Variants in FAM81B observed in about 807,000 individuals in gnomAD.
FAM81B encodes the protein protein FAM81B.
Under a neutral mutation model 58.7 loss-of-function variants are expected in FAM81B, and 60 were observed. That is an observed-to-expected ratio of 1.02 (90% confidence interval 0.83 to 1.27). The LOEUF is 1.27. FAM81B is among the 50% of genes most tolerant of loss of function. The pLI is 0.00. For synonymous variants in FAM81B, 189 were observed against 179.6 expected (o/e 1.05, Z -0.42); for missense variants, 491 against 522.0 (o/e 0.94, Z 0.58).
chr5:95,440,589 C>T (rs181580056), intron 7 of FAM81B: 3 of 628,360 alleles, frequency 4.8e-6, no homozygotes, highest in African/African-American at 3.7e-5. Context: ...TATAGAAGAG[C>T]TCAGAGAGCT....
At chr5:95,446,978 C>T (rs1226653427) in intron 8 of FAM81B, among the ~76,000 whole-genome samples, 2 of 151,518 alleles carry the variant, frequency 1.3e-5, no homozygotes, top group African/African-American at 2.4e-5. Context: ...ATTGCCACCC[C>T]AGACCCAGAG....
intron 5 of FAM81B, 34 bp from the exon 6 acceptor site, chr5:95,428,569 T>C (rs1582815539): frequency 6.2e-7 from 1 of 1,612,270 alleles, no homozygotes. Context: ...GTTATAAAGG[T>C]ATTGATCCAC....
intron 2 of FAM81B, among the ~76,000 whole-genome samples, chr5:95,394,579 GGA>G (rs1761913772): frequency 6.6e-6 from 1 of 152,182 alleles, no homozygotes; most frequent in Non-Finnish European, 1.5e-5. Context: ...CTCTGACTTA[GGA>G]AAGTTTCCAT....
intron 3 of FAM81B, among the ~76,000 whole-genome samples, chr5:95,401,622 G>A (rs1299757999): frequency 2.0e-5 from 3 of 151,898 alleles, no homozygotes; most frequent in South Asian, 4.2e-4. Flanking sequence ...CACTCAGACC[G>A]TAACTAGTCA....
At position 95,414,057 on chromosome 5, in the gene FAM81B, T is replaced by C; in HGVS notation, c.404T>C (p.Ile135Thr). ...TTCCTTCTTGAACAAGCCTTCCGCATCAAGGAGGACATCTCTGCTTGCCTG... is the reference window on the plus strand; with the variant it reads ...TTCCTTCTTGAACAAGCCTTCCGCACCAAGGAGGACATCTCTGCTTGCCTG... ...IAFLLEQAFR[I>T]KEDISACLQG... Residue 135 changes from isoleucine to threonine, a missense_variant, in exon 4 of 10, where the codon ATC becomes ACC. Coordinates refer to ENST00000283357, the MANE Select transcript of FAM81B (RefSeq NM_152548.3). 6.2e-7 allele frequency: 1 copy of C among 1,614,034 alleles called. No homozygotes were observed. The highest frequency in any genetic ancestry group is 8.5e-7 in the Non-Finnish European group (1 of 1,179,996).
chr5:95,443,474 A>G (rs1322493647), intron 7 of FAM81B, among the ~76,000 whole-genome samples: 4 of 152,308 alleles, frequency 2.6e-5, no homozygotes, highest in Admixed American at 2.6e-4. Flanking sequence ...ATCTGTATAC[A>G]TCTAATAGAA....
intron 1 of FAM81B, among the ~76,000 whole-genome samples, 170 bp from the exon 2 acceptor site, chr5:95,392,624 G>T (rs562441551): frequency 1.3e-3 from 203 of 152,248 alleles, no homozygotes; most frequent in African/African-American, 4.6e-3. Context: ...ATGGGGGGAT[G>T]GGGGAGAATT....
intron 6 of FAM81B, among the ~76,000 whole-genome samples, chr5:95,432,276 G>A (rs147292683): frequency 6.6e-6 from 1 of 152,000 alleles, no homozygotes; most frequent in Non-Finnish European, 1.5e-5. Context: ...TGTGGTGCAG[G>A]ATAATGTTTG....
intron 2 of FAM81B, among the ~76,000 whole-genome samples, chr5:95,394,733 C>T (rs1761919549): frequency 6.6e-6 from 1 of 152,296 alleles, no homozygotes; most frequent in Admixed American, 6.5e-5. Flanking sequence ...CACAGGCTCC[C>T]TCGTGAGCAG....
rs1263060661 is a variant in FAM81B at position 95,424,008 on chromosome 5, G to A, written c.656+3606G>A. On this transcript the variant is annotated intron_variant, in intron 5 of 9. Coordinates refer to ENST00000283357, the MANE Select transcript of FAM81B (RefSeq NM_152548.3). Reference sequence around the variant, plus strand: ...CAACACCAAACAGCCGGGAGGTATAGCCAAGGATGCAACCGTGTTCTTTAT... The same window carrying A: ...CAACACCAAACAGCCGGGAGGTATAACCAAGGATGCAACCGTGTTCTTTAT... 3.1e-6 allele frequency: 4 copies of A among 1,288,772 alleles called. No homozygotes were observed. In the African/African-American group the frequency reaches 4.6e-5, roughly 15 times the overall value. 79.8% of individuals were successfully genotyped at this position (1,288,772 alleles called of 1,614,324 possible).
Position 95,420,275 on chromosome 5 carries a change from A to G in FAM81B, c.538-9A>G. On this transcript the variant is annotated splice_polypyrimidine_tract_variant and intron_variant, in intron 4 of 9. Transcript: ENST00000283357. ...GGAAATTAATGGGAAATTTGACTCA[A>G]AATTACAGATTTTAGAAGACCAAAT... is the stretch of plus-strand genomic sequence containing the variant. 6.2e-7 allele frequency: 1 copy of G among 1,613,322 alleles called. No homozygotes were observed. Among genetic ancestry groups the G allele is most frequent in the Non-Finnish European group, 8.5e-7 (1 of 1,179,586 alleles).
chr5:95,421,460 T>C (rs1762681745), intron 5 of FAM81B, among the ~76,000 whole-genome samples: 1 of 152,158 alleles, frequency 6.6e-6, no homozygotes. Context: ...CCTGGGAGAA[T>C]GGCATTTTGG....
intron 2 of FAM81B, 113 bp from the exon 3 acceptor site, chr5:95,395,998 C>G (rs888325760): frequency 1.3e-6 from 1 of 750,340 alleles, no homozygotes; most frequent in Non-Finnish European, 2.1e-6. Context: ...AGCTGATTAT[C>G]TGGTCTATGG....
At chr5:95,409,701 A>T (rs1220465429) in intron 3 of FAM81B, among the ~76,000 whole-genome samples, 3 of 152,132 alleles carry the variant, frequency 2.0e-5, no homozygotes, top group Non-Finnish European at 4.4e-5. Flanking sequence ...CTCGCCATCC[A>T]CACACACTGA....
chr5:95,415,592 A>C (rs1046986089), intron 4 of FAM81B, among the ~76,000 whole-genome samples: 1 of 152,236 alleles, frequency 6.6e-6, no homozygotes, highest in African/African-American at 2.4e-5. Flanking sequence ...ATAATGAAGT[A>C]TCATGAAAGT....
intron 3 of FAM81B, among the ~76,000 whole-genome samples, chr5:95,397,411 C>A (rs907351619): frequency 3.9e-5 from 6 of 152,196 alleles, no homozygotes; most frequent in African/African-American, 1.4e-4. Context: ...TATTAGCTAA[C>A]CTTATCTTCC....
At chr5:95,401,643 C>A (rs1404225170) in intron 3 of FAM81B, among the ~76,000 whole-genome samples, 1 of 151,806 alleles carries the variant, frequency 6.6e-6, no homozygotes, top group East Asian at 1.9e-4. Flanking sequence ...TATATTAGAT[C>A]TCATAAAAAT....
chr5:95,448,558 T>G (rs1745673691), intron 9 of FAM81B, 94 bp downstream of exon 9: 1 of 1,162,632 alleles, frequency 8.6e-7, no homozygotes, highest in African/African-American at 1.6e-5. Context: ...GGGATCAATC[T>G]TGTCATTAGT....
At chr5:95,419,631 C>G (rs988891289) in intron 4 of FAM81B, among the ~76,000 whole-genome samples, 1 of 152,034 alleles carries the variant, frequency 6.6e-6, no homozygotes, top group African/African-American at 2.4e-5. Flanking sequence ...TTCCAGAACA[C>G]CAAAACACAA....
Sources: gnomAD v4.1 joint callset for allele counts (sites outside exome capture counted in the v4.1 genomes callset) on GRCh38, gnomAD v4.1.1 for gene constraint, MANE v1.5 for transcripts, NCBI Gene and HGNC (gene_info 2026-07-23, HGNC 2026-07-21) for gene names.